The following KCNIP4 variants were observed in gnomAD, a reference collection of about 807,000 sequenced individuals.
The protein encoded by KCNIP4 is potassium voltage-gated channel interacting protein 4, also known as Kv channel-interacting protein 4.
A neutral mutation model predicts 34.0 loss-of-function variants in KCNIP4; 12 were observed. The ratio of observed to expected loss-of-function variants is 0.35; its 90% CI spans 0.23 to 0.57. The LOEUF is 0.57. Ranked by LOEUF, KCNIP4 falls within the 20% of genes least tolerant of loss-of-function variation. The pLI is 0.83. For synonymous variants in KCNIP4, 124 were observed against 102.2 expected (o/e 1.21, Z -1.29); for missense variants, 238 against 311.7 (o/e 0.76, Z 1.78).
intron 1 of KCNIP4, among the ~76,000 whole-genome samples, chr4:21,521,577 T>A (rs573847790): frequency 4.6e-5 from 7 of 152,284 alleles, no homozygotes; most frequent in African/African-American, 1.4e-4. Flanking sequence ...AACATCATCA[T>A]ATCAAAAATC....
chr4:20,874,853 T>C (rs1723838938), intron 2 of KCNIP4, among the ~76,000 whole-genome samples: 1 of 152,154 alleles, frequency 6.6e-6, no homozygotes, highest in Non-Finnish European at 1.5e-5. Context: ...ATAGCCAATA[T>C]CTGAACGATA....
rs182664445 is a variant in KCNIP4 at position 21,537,848 on chromosome 4, C to T, written c.61+410723G>A. 4.8e-4 allele frequency among the ~76,000 whole-genome samples: 73 copies of T among 151,776 alleles called. No homozygotes were observed. In the East Asian group the frequency reaches 8.4e-3, roughly 17 times the overall value. ...TCAACATGATGAAACCCCATCTCTA[C>T]TAAAAATACAAGAATTAGCTGGGCT... On this transcript the variant is annotated intron_variant, in intron 1 of 8. Transcript: ENST00000382152.
At chr4:21,437,576 C>T (rs542125141) in intron 1 of KCNIP4, among the ~76,000 whole-genome samples, 2 of 152,262 alleles carry the variant, frequency 1.3e-5, no homozygotes, top group East Asian at 1.9e-4. Context: ...ATTTTGGATG[C>T]TCCTAGGTGC....
chr4:21,488,628 A>C (rs1732114463), intron 1 of KCNIP4, among the ~76,000 whole-genome samples: 1 of 152,164 alleles, frequency 6.6e-6, no homozygotes, highest in South Asian at 2.1e-4. Context: ...TAGATTAGTA[A>C]GCTATAATAG....
chr4:21,142,838 T>C (rs931788167), intron 1 of KCNIP4, among the ~76,000 whole-genome samples: 3 of 152,218 alleles, frequency 2.0e-5, no homozygotes, highest in African/African-American at 7.2e-5. Context: ...GGCATATAAA[T>C]GTTGAAAGTA....
At chr4:21,643,319 T>C (rs922966271) in intron 1 of KCNIP4, among the ~76,000 whole-genome samples, 1 of 152,176 alleles carries the variant, frequency 6.6e-6, no homozygotes, top group Non-Finnish European at 1.5e-5. Context: ...AAAAAGACTT[T>C]CAAGGATTTT....
In KCNIP4 at chr4:21,884,288, C is replaced by T. The variant is rs558776991; in HGVS notation, c.61+64283G>A. On this transcript the variant is annotated intron_variant, in intron 1 of 8. Coordinates refer to ENST00000382152, the MANE Select transcript of KCNIP4 (RefSeq NM_025221.6). ...TTCAAAGGAAGAACATGGGGAATAG[C>T]GCATGGAGAAAGGTTGTACTCAGAG... is the stretch of plus-strand genomic sequence containing the variant. Among the ~76,000 whole-genome samples the T allele has an allele frequency of 3.9e-4, 59 of 152,114 alleles. No individual in the cohort carries two copies. In the Middle Eastern group the frequency reaches 0.01, roughly 26 times the overall value.
At chr4:21,604,308 C>G (rs934254551) in intron 1 of KCNIP4, among the ~76,000 whole-genome samples, 1 of 152,054 alleles carries the variant, frequency 6.6e-6, no homozygotes. Flanking sequence ...AATCATCCTA[C>G]GTGTTAGTTG....
At chr4:21,487,314 A>G (rs939205721) in intron 1 of KCNIP4, among the ~76,000 whole-genome samples, 6 of 152,074 alleles carry the variant, frequency 3.9e-5, no homozygotes, top group Non-Finnish European at 8.8e-5. Flanking sequence ...GGCATTTGTC[A>G]TATATTTTTC....
chr4:21,829,259 T>TA (rs946201260), intron 1 of KCNIP4, among the ~76,000 whole-genome samples: 31 of 151,834 alleles, frequency 2.0e-4, no homozygotes, highest in East Asian at 5.8e-4. Flanking sequence ...CATTGTAAAG[T>TA]AAAAAAAATC....
intron 1 of KCNIP4, among the ~76,000 whole-genome samples, chr4:21,308,513 G>A (rs1712743320): frequency 6.6e-6 from 1 of 152,124 alleles, no homozygotes; most frequent in Non-Finnish European, 1.5e-5. Flanking sequence ...AAGCCAGTGG[G>A]GCTGATAGCT....
intron 1 of KCNIP4, among the ~76,000 whole-genome samples, chr4:20,930,632 A>G (rs1339116941): frequency 5.3e-5 from 8 of 152,132 alleles, no homozygotes; most frequent in African/African-American, 1.9e-4. Flanking sequence ...CTAATATTCA[A>G]CATTTGTAAA....
rs371264266 is a variant in KCNIP4 at position 21,328,622 on chromosome 4, A to G, written c.62-445913T>C. The stretch of plus-strand genomic sequence containing the variant: ...TCACTCATTTCTTTAGGGCGCCACC[A>G]TCAGCCTGTGGCAAATCCAGCCAGG... On this transcript the variant is annotated intron_variant, in intron 1 of 8. Transcript: ENST00000382152. 4.0e-3 allele frequency among the ~76,000 whole-genome samples: 606 copies of G among 152,268 alleles called. 4 individuals carry two copies. The highest frequency in any genetic ancestry group is 0.014 in the African/African-American group (566 of 41,550).
intron 1 of KCNIP4, among the ~76,000 whole-genome samples, chr4:21,618,506 T>C (rs1246678684): frequency 2.0e-5 from 3 of 152,034 alleles, no homozygotes; most frequent in Admixed American, 2.0e-4. Context: ...GGAGAGTGGA[T>C]CATTCTTTCC....
chr4:21,131,626 C>T (rs1751080317), intron 1 of KCNIP4, among the ~76,000 whole-genome samples: 1 of 152,028 alleles, frequency 6.6e-6, no homozygotes, highest in Admixed American at 6.5e-5. Context: ...AAAACAAAAA[C>T]AAAAACAAAA....
intron 1 of KCNIP4, among the ~76,000 whole-genome samples, chr4:21,117,311 G>GCA (rs1560737581): frequency 1.5e-5 from 2 of 135,554 alleles, no homozygotes; most frequent in African/African-American, 2.7e-5. Flanking sequence ...GGGGGGGGGG[G>GCA]GGGGGGGGCG....
intron 1 of KCNIP4, among the ~76,000 whole-genome samples, chr4:21,937,313 G>GT (rs1330138730): frequency 2.6e-5 from 4 of 151,980 alleles, no homozygotes; most frequent in African/African-American, 9.7e-5. Flanking sequence ...GCACCACAAA[G>GT]TATCACAGTC....
At chr4:21,179,213 C>T (rs1001157591) in intron 1 of KCNIP4, among the ~76,000 whole-genome samples, 1 of 152,294 alleles carries the variant, frequency 6.6e-6, no homozygotes, top group South Asian at 2.1e-4. Context: ...TGGGCTTTTG[C>T]CCAACTCATT....
chr4:20,828,358 T>C (rs1019144855), intron 3 of KCNIP4, among the ~76,000 whole-genome samples: 3 of 152,134 alleles, frequency 2.0e-5, no homozygotes, highest in African/African-American at 7.2e-5. Flanking sequence ...ACCAGGGAGT[T>C]GGAGGTTGCA....
Sources: allele counts gnomAD v4.1 joint callset (sites outside exome capture counted in the v4.1 genomes callset), GRCh38; gene constraint gnomAD v4.1.1; transcripts MANE v1.5; gene names NCBI Gene and HGNC (gene_info 2026-07-23, HGNC 2026-07-21).